PRDM5: variants seen among roughly 807,000 people sequenced by gnomAD.
PRDM5 encodes PR domain zinc finger protein 5.
In PRDM5, 56 loss-of-function variants were observed where a neutral mutation model predicts 81.2. That is an observed-to-expected ratio of 0.69 (90% CI 0.56 to 0.86). The LOEUF (loss-of-function observed/expected upper bound fraction) is 0.86, where lower values mean the gene tolerates loss of function less well. Ranked by LOEUF, PRDM5 falls within the 40% of genes least tolerant of loss-of-function variation. The pLI is 0.00. For synonymous variants in PRDM5, 267 were observed against 256.4 expected, an observed-to-expected ratio of 1.04 and a Z score of -0.39; for missense variants, 697 against 770.1, an observed-to-expected ratio of 0.91 and a Z score of 1.12.
At chr4:120,851,600 G>A (rs554268713) in intron 3 of PRDM5, among the ~76,000 whole-genome samples, 2 of 152,124 alleles carry the variant, frequency 1.3e-5, no homozygotes, top group African/African-American at 4.8e-5. Flanking sequence ...TTTAGTAAGA[G>A]TCATCTCTCA....
At chr4:120,919,328 T>G (rs894044968) in intron 1 of PRDM5, among the ~76,000 whole-genome samples, 1 of 152,244 alleles carries the variant, frequency 6.6e-6, no homozygotes, top group African/African-American at 2.4e-5. Flanking sequence ...CTTGCTCACC[T>G]GTGTATTCCC....
At chr4:120,777,478 T>C (rs1191388930) in intron 12 of PRDM5, among the ~76,000 whole-genome samples, 197 bp from the exon 13 acceptor site, 1 of 152,150 alleles carries the variant, frequency 6.6e-6, no homozygotes, top group African/African-American at 2.4e-5. Context: ...GAATCATGCA[T>C]TAGTGTTAAT....
intron 2 of PRDM5, among the ~76,000 whole-genome samples, chr4:120,870,480 G>C (rs146785078): frequency 1.3e-5 from 2 of 152,048 alleles, no homozygotes; most frequent in African/African-American, 2.4e-5. Context: ...GCCACCTAGT[G>C]GGGGGTGGGG....
intron 7 of PRDM5, among the ~76,000 whole-genome samples, chr4:120,814,135 AGTCTCT>A (rs1287409534): frequency 6.6e-6 from 1 of 152,158 alleles, no homozygotes; most frequent in East Asian, 1.9e-4. Context: ...ATTAATGCAA[AGTCTCT>A]TTGTCAGCAA....
intron 13 of PRDM5, among the ~76,000 whole-genome samples, chr4:120,770,979 C>G (rs898619127): frequency 1.3e-5 from 2 of 151,916 alleles, no homozygotes; most frequent in African/African-American, 2.4e-5. Flanking sequence ...AATACAAATG[C>G]TTTATTCTTA....
intron 13 of PRDM5, among the ~76,000 whole-genome samples, chr4:120,776,608 C>A (rs1331347962): frequency 6.6e-6 from 1 of 152,090 alleles, no homozygotes; most frequent in African/African-American, 2.4e-5. Context: ...TAGGTAGAAT[C>A]CAGACAAGGT....
intron 15 of PRDM5, among the ~76,000 whole-genome samples, chr4:120,706,758 T>TTATATATA (rs10608924): frequency 1.3e-4 from 19 of 143,982 alleles, no homozygotes; most frequent in African/African-American, 3.8e-4. Context: ...TATATAAATT[T>TTATATATA]TATATATATA....
intron 3 of PRDM5, among the ~76,000 whole-genome samples, chr4:120,828,744 T>C (rs1298810594): frequency 2.0e-5 from 3 of 152,040 alleles, no homozygotes; most frequent in Admixed American, 1.3e-4. Context: ...AGGAGAAGCT[T>C]ACATTCCATT....
intron 2 of PRDM5, chr4:120,897,047 G>C (rs1326995943): frequency 6.8e-6 from 1 of 148,104 alleles, no homozygotes; most frequent in Non-Finnish European, 1.5e-5. Context: ...GTTTTCCTCT[G>C]GGTAAGATCT....
At chr4:120,741,106 G>T (rs562837631) in intron 14 of PRDM5, among the ~76,000 whole-genome samples, 1 of 152,118 alleles carries the variant, frequency 6.6e-6, no homozygotes, top group South Asian at 2.1e-4. Flanking sequence ...ACTTGCTTTT[G>T]CATCTGTTTC....
At chr4:120,857,044 T>C (rs994373567) in intron 2 of PRDM5, among the ~76,000 whole-genome samples, 4 of 152,122 alleles carry the variant, frequency 2.6e-5, no homozygotes, top group African/African-American at 7.2e-5. Flanking sequence ...CTACAGTAGT[T>C]ACACAAAAAG....
At chr4:120,786,687 G>C (rs1749808483) in intron 10 of PRDM5, among the ~76,000 whole-genome samples, 1 of 152,116 alleles carries the variant, frequency 6.6e-6, no homozygotes, top group Admixed American at 6.6e-5. Flanking sequence ...GTCTGGAAAG[G>C]CTTTCCAAGC....
intron 10 of PRDM5, among the ~76,000 whole-genome samples, chr4:120,796,139 T>A (rs1751319792): frequency 6.6e-6 from 1 of 152,204 alleles, no homozygotes. Flanking sequence ...CGTTTTTTTC[T>A]AATTTCTGTG....
intron 15 of PRDM5, among the ~76,000 whole-genome samples, chr4:120,704,996 G>A (rs10049714): frequency 0.032 from 4,883 of 152,214 alleles, 258 homozygotes; most frequent in African/African-American, 0.11. Context: ...TGGAAATCAT[G>A]GTAATCATTT....
At chr4:120,688,713 T>C (rs192318146), downstream of PRDM5, among the ~76,000 whole-genome samples, 45 of 152,310 alleles carry the variant, frequency 3.0e-4, no homozygotes, top group East Asian at 5.6e-3. Flanking sequence ...TAATACCATT[T>C]ATTGAAGAGA....
chr4:120,865,260 C>A (rs569356643), intron 2 of PRDM5, among the ~76,000 whole-genome samples: 1 of 152,254 alleles, frequency 6.6e-6, no homozygotes, highest in South Asian at 2.1e-4. Flanking sequence ...TGTCTGGGTT[C>A]AAGGACTCTA....
At chr4:120,838,128 G>C (rs1202339455) in intron 3 of PRDM5, 1 of 152,126 alleles carries the variant, frequency 6.6e-6, no homozygotes, top group Non-Finnish European at 1.5e-5. Flanking sequence ...CCATGTGAAA[G>C]GAAAGCCCAT....
chr4:120,755,187 A>C (rs183610062), intron 13 of PRDM5, among the ~76,000 whole-genome samples: 2 of 152,330 alleles, frequency 1.3e-5, no homozygotes, highest in African/African-American at 4.8e-5. Context: ...TTTCTGATAT[A>C]ATCAAATATC....
At chr4:120,804,947 C>T (rs189793222) in intron 8 of PRDM5, among the ~76,000 whole-genome samples, 27 of 152,150 alleles carry the variant, frequency 1.8e-4, no homozygotes, top group Admixed American at 1.6e-3. Flanking sequence ...AATTAATAGA[C>T]CGCTAGCAAG....
Sources: allele counts gnomAD v4.1 joint callset (sites outside exome capture counted in the v4.1 genomes callset), GRCh38; gene constraint gnomAD v4.1.1; transcripts MANE v1.5; gene names NCBI Gene and HGNC (gene_info 2026-07-23, HGNC 2026-07-21).